CACHD1: variants seen among roughly 807,000 people sequenced by gnomAD.
The protein encoded by CACHD1 is VWFA and cache domain-containing protein 1.
A neutral mutation model predicts 138.7 loss-of-function variants in CACHD1; 71 were observed. The observed-to-expected ratio is 0.51, with a 90% confidence interval of 0.42 to 0.62. CACHD1 has a LOEUF of 0.62. Among genes scored for constraint, CACHD1 ranks in the 20% least tolerant of loss-of-function variants. The probability of loss-of-function intolerance (pLI) is 0.00; values close to 1 mark genes in which losing one functional copy is unlikely to be tolerated. For synonymous variants in CACHD1, 578 were observed against 591.5 expected (o/e 0.98, Z 0.33); for missense variants, 1,389 against 1,625.3 (o/e 0.85, Z 2.50).
At chr1:64,592,275 C>T (rs1257945762) in intron 3 of CACHD1, among the ~76,000 whole-genome samples, 5 of 152,080 alleles carry the variant, frequency 3.3e-5, no homozygotes, top group Admixed American at 6.5e-5. Flanking sequence ...ATATCATTTT[C>T]GACTCAACTT....
rs543730570 is a variant in CACHD1 at position 64,692,934 on chromosome 1, A to G, written c.*1373A>G. On this transcript the variant is annotated 3_prime_UTR_variant, in exon 27 of 27. Transcript: ENST00000651257. ...TTTTAATGATAGGGTATTATGATAC[A>G]ATGTAAAAAACAATTGGTTCTTCAG... 5.4e-4 allele frequency: 82 copies of G among 152,792 alleles called. No homozygotes were observed. Among genetic ancestry groups the G allele is most frequent in the African/African-American group, 1.8e-3 (76 of 41,584 alleles). 9.5% of individuals were successfully genotyped at this position (152,792 alleles called of 1,614,324 possible). A position where few individuals can be genotyped will look rare whatever the true frequency, so the allele number is the denominator to read the frequency against.
rs1363598155 is a variant in CACHD1 at position 64,691,855 on chromosome 1, A to G, written c.*294A>G. ...AGAAGGCGAACCTCCAAACACAGAG[A>G]CGGAACCTGCAAGTGAAGCTGAGCC... On this transcript the variant is annotated 3_prime_UTR_variant, in exon 27 of 27. Transcript: ENST00000651257. 3.4e-5 allele frequency: 13 copies of G among 380,352 alleles called. No individual in the cohort carries two copies. The highest frequency in any genetic ancestry group is 5.9e-5 in the Non-Finnish European group (12 of 204,564). The allele number at this position is 380,352 out of a possible 1,614,324, so 23.6% of individuals were successfully genotyped here.
intron 9 of CACHD1, among the ~76,000 whole-genome samples, chr1:64,651,011 G>A (rs745818883): frequency 6.6e-6 from 1 of 151,854 alleles, no homozygotes; most frequent in Admixed American, 6.6e-5. Context: ...CAGGTGTCTC[G>A]ATCTCGGGGC....
At chr1:64,488,243 C>G (rs1646254606) in intron 1 of CACHD1, among the ~76,000 whole-genome samples, 1 of 152,176 alleles carries the variant, frequency 6.6e-6, no homozygotes, top group Admixed American at 6.5e-5. Context: ...ATAGAGAATT[C>G]ATTGTACAGA....
intron 16 of CACHD1, among the ~76,000 whole-genome samples, chr1:64,669,254 C>T (rs1168341545): frequency 6.6e-6 from 1 of 152,114 alleles, no homozygotes; most frequent in African/African-American, 2.4e-5. Flanking sequence ...AGAGATGATG[C>T]ATGCATGTCA....
rs1316589399 is a variant in CACHD1, at chr1:64,679,577, CT to C, written c.3245-16del. The C allele has an allele frequency of 1.9e-6, 3 of 1,612,664 alleles. No individual in the cohort carries two copies. In the African/African-American group the frequency reaches 4.0e-5, roughly 22 times the overall value. On this transcript the variant is annotated splice_polypyrimidine_tract_variant and intron_variant, in intron 23 of 26. Coordinates refer to ENST00000651257, the MANE Select transcript of CACHD1 (RefSeq NM_020925.4). ...GGGAAATCTTAACAAGAAACATCTTCTTGCTCTTTCACTGAAGGTGATGAGG... is the reference window on the plus strand; with the variant it reads ...GGGAAATCTTAACAAGAAACATCTTCTGCTCTTTCACTGAAGGTGATGAGG...
At chr1:64,513,653 A>G (rs1418598848) in intron 1 of CACHD1, among the ~76,000 whole-genome samples, 1 of 152,216 alleles carries the variant, frequency 6.6e-6, no homozygotes, top group East Asian at 1.9e-4. Context: ...CTCAAAGGAA[A>G]GAGTGCTTAC....
chr1:64,647,807 T>C lies in CACHD1; in HGVS notation c.1163T>C (p.Val388Ala). ...ILTYALMNDGVTGLKELAFLR... is the reference protein window; with the variant it reads ...ILTYALMNDGATGLKELAFLR... Reference sequence around the variant, plus strand: ...TCTCGGCTTTCCATTTTAGATGGGGTGACTGGTTTGAAAGAGCTGGCTTTT... The same window carrying C: ...TCTCGGCTTTCCATTTTAGATGGGGCGACTGGTTTGAAAGAGCTGGCTTTT... The change falls in exon 9 of 27, where the codon GTG (valine) becomes GCG (alanine). Residue 388 changes from valine to alanine, a missense_variant. Physicochemically the swap from Val to Ala is moderately conservative, Grantham distance 64. Coordinates refer to ENST00000651257, the MANE Select transcript of CACHD1 (RefSeq NM_020925.4). The C allele has an allele frequency of 6.2e-7, 1 of 1,613,976 alleles. No homozygotes were observed. Among genetic ancestry groups the C allele is most frequent in the African/African-American group, 1.3e-5 (1 of 75,000 alleles).
intron 1 of CACHD1, among the ~76,000 whole-genome samples, chr1:64,500,731 AAAAAGAGAG>A (rs1190315073): frequency 1.0e-3 from 39 of 38,262 alleles, no homozygotes; most frequent in Middle Eastern, 9.3e-3. Context: ...AAAAAAAAAA[AAAAAGAGAG>A]AGAGAGAGAG....
chr1:64,685,954 A>G (rs144846185), intron 26 of CACHD1, among the ~76,000 whole-genome samples: 124 of 152,232 alleles, frequency 8.1e-4, no homozygotes, highest in African/African-American at 2.9e-3. Context: ...CTCTGTGCCC[A>G]CCCTGCCCTG....
chr1:64,584,025 A>G (rs991354953), intron 3 of CACHD1, among the ~76,000 whole-genome samples: 2 of 152,274 alleles, frequency 1.3e-5, no homozygotes, highest in South Asian at 2.1e-4. Flanking sequence ...TGTTTTGACA[A>G]CCTTACCACT....
At chr1:64,625,571 G>A (rs1648067354) in intron 4 of CACHD1, among the ~76,000 whole-genome samples, 1 of 151,702 alleles carries the variant, frequency 6.6e-6, no homozygotes, top group Non-Finnish European at 1.5e-5. Context: ...AGGTTGCAGT[G>A]AGCCGAGATT....
chr1:64,653,136 A>G (rs536365198), intron 10 of CACHD1, among the ~76,000 whole-genome samples: 23 of 152,292 alleles, frequency 1.5e-4, no homozygotes, highest in Non-Finnish European at 2.4e-4. Flanking sequence ...CTAACTCAGG[A>G]ACAGATACTG....
rs149469042 is a variant in CACHD1 at position 64,671,627 on chromosome 1, C to T, written c.2451C>T (p.Phe817=). ...GCATTGACTTCACACTCAGATACTT[C>T]TACAAAGTTCTGATGGACCTATTAC... is the stretch of plus-strand genomic sequence containing the variant. ...VMGIDFTLRY[F]YKVLMDLLPV... The change falls in exon 17 of 27, where the codon TTC becomes TTT. Residue 817 remains phenylalanine (F), a synonymous_variant. Transcript: ENST00000651257. 6.2e-7 allele frequency: 1 copy of T among 1,613,702 alleles called. No individual in the cohort carries two copies. The highest frequency in any genetic ancestry group is 1.3e-5 in the African/African-American group (1 of 74,896).
At position 64,669,749 on chromosome 1, in the gene CACHD1, G is replaced by A. The variant is rs868293279; in HGVS notation, c.2388-1815G>A. Among the ~76,000 whole-genome samples, 3 of 152,076 alleles carry A rather than the reference G, an allele frequency of 2.0e-5. No homozygotes were observed. In the South Asian group the frequency reaches 6.2e-4, roughly 32 times the overall value. On this transcript the variant is annotated intron_variant, in intron 16 of 26. Coordinates refer to ENST00000651257, the MANE Select transcript of CACHD1 (RefSeq NM_020925.4). ...TGCTATGGTAACAGTGTACCCATCT[G>A]AAATGCAGGTGAAAATATGAATCCT... is the stretch of plus-strand genomic sequence containing the variant.
intron 21 of CACHD1, 22 bp downstream of exon 21, chr1:64,676,005 A>G (rs957643975): frequency 4.0e-6 from 1 of 252,508 alleles, no homozygotes; most frequent in Non-Finnish European, 5.1e-6. Flanking sequence ...AATAATAATA[A>G]TAATAATAAT....
intron 1 of CACHD1, among the ~76,000 whole-genome samples, chr1:64,529,295 C>T (rs891715698): frequency 2.0e-5 from 3 of 152,072 alleles, no homozygotes; most frequent in African/African-American, 4.8e-5. Flanking sequence ...CTCTTTCTTG[C>T]GTCTTTCATT....
At chr1:64,548,084 T>G (rs1646731485) in intron 1 of CACHD1, among the ~76,000 whole-genome samples, 2 of 152,144 alleles carry the variant, frequency 1.3e-5, no homozygotes. Context: ...AATAAATGAG[T>G]AAAATAGGGA....
chr1:64,491,130 G>T (rs2100297378), intron 1 of CACHD1, among the ~76,000 whole-genome samples: 1 of 152,238 alleles, frequency 6.6e-6, no homozygotes, highest in South Asian at 2.1e-4. Context: ...TTGGTCAGGG[G>T]TTGCTCTCAA....
Sources: gnomAD v4.1 joint callset for allele counts (sites outside exome capture counted in the v4.1 genomes callset) on GRCh38, gnomAD v4.1.1 for gene constraint, MANE v1.5 for transcripts, NCBI Gene and HGNC (gene_info 2026-07-23, HGNC 2026-07-21) for gene names.